The following AMOT variants were observed in gnomAD, a reference collection of about 807,000 sequenced individuals.
AMOT encodes the protein angiomotin.
Under a neutral mutation model 67.0 loss-of-function variants are expected in AMOT, and 11 were observed. The ratio of observed to expected loss-of-function variants is 0.16; its 90% CI spans 0.10 to 0.27. The LOEUF (loss-of-function observed/expected upper bound fraction) is 0.27, where lower values mean the gene tolerates loss of function less well. Among genes scored for constraint, AMOT ranks in the 10% least tolerant of loss-of-function variants. The probability of loss-of-function intolerance (pLI) is 1.00; values close to 1 mark genes in which losing one functional copy is unlikely to be tolerated. For synonymous variants in AMOT, 326 were observed against 321.4 expected, an observed-to-expected ratio of 1.01 and a Z score of -0.15; for missense variants, 753 against 852.0, an observed-to-expected ratio of 0.88 and a Z score of 1.45.
intron 2 of AMOT, among the ~76,000 whole-genome samples, chrX:112,828,548 GGTT>G (rs762704707): frequency 1.4e-4 from 15 of 108,402 alleles, no homozygotes; most frequent in Admixed American, 4.0e-4. Flanking sequence ...TATGAAGAAA[GGTT>G]GTTTTTTTGA....
rs1932981744 is a variant in AMOT at position 112,778,035 on chromosome X, A to G, written c.*532T>C. On this transcript the variant is annotated 3_prime_UTR_variant, in exon 14 of 14. Coordinates refer to ENST00000371959, the MANE Select transcript of AMOT (RefSeq NM_001113490.2). ...CTCCAGTACCCTTCTGCACCCCAAA[A>G]CTCCCTACCTTTTTTCCAGCTTACA... 9.0e-6 allele frequency: 1 copy of G among 110,608 alleles called. No individual in the cohort carries two copies. Among genetic ancestry groups the G allele is most frequent in the Non-Finnish European group, 1.9e-5 (1 of 52,805 alleles). The allele number at this position is 110,608 out of a possible 1,213,427, so 9.1% of individuals were successfully genotyped here.
intron 2 of AMOT, among the ~76,000 whole-genome samples, chrX:112,826,447 T>C (rs1489345806): frequency 8.9e-6 from 1 of 112,671 alleles, no homozygotes; most frequent in Non-Finnish European, 1.9e-5. Context: ...TGTCTTTCCA[T>C]CTTGTTTTGG....
chrX:112,839,918 G>C (rs1213956200), intron 1 of AMOT, among the ~76,000 whole-genome samples: 2 of 111,014 alleles, frequency 1.8e-5, no homozygotes, highest in African/African-American at 6.6e-5. Flanking sequence ...ACCACCACAA[G>C]CACTACCACC....
At chrX:112,781,168 G>A (rs775361236) in intron 11 of AMOT, 50 bp from the exon 12 acceptor site, 23 of 1,127,341 alleles carry the variant, frequency 2.0e-5, no homozygotes, top group South Asian at 1.7e-4. Flanking sequence ...TGGGCTGGGC[G>A]CGGTGGCTTA....
intron 8 of AMOT, 49 bp downstream of exon 8, chrX:112,804,898 T>TTGCCCCC: frequency 3.0e-5 from 25 of 837,492 alleles, no homozygotes; most frequent in Non-Finnish European, 3.6e-5. Context: ...GTCCCCGATT[T>TTGCCCCC]CCCAGCCCTC....
intron 1 of AMOT, among the ~76,000 whole-genome samples, chrX:112,838,725 T>G (rs148004820): frequency 1.8e-5 from 2 of 112,596 alleles, no homozygotes; most frequent in Admixed American, 1.9e-4. Flanking sequence ...ACAAATTTCA[T>G]GTAAAAGTGA....
intron 7 of AMOT, among the ~76,000 whole-genome samples, chrX:112,808,545 T>C (rs1464653010): frequency 8.9e-6 from 1 of 112,049 alleles, no homozygotes; most frequent in African/African-American, 3.2e-5. Context: ...GTTGATGAAC[T>C]TCACTTTTCC....
chrX:112,780,486 A>G (rs1325237372), intron 12 of AMOT: 2 of 187,246 alleles, frequency 1.1e-5, no homozygotes, highest in East Asian at 1.1e-4. Flanking sequence ...TTCTCCTATT[A>G]TAGAGGAGGA....
chrX:112,814,915 C>G (rs961144580), intron 5 of AMOT, among the ~76,000 whole-genome samples: 10 of 111,926 alleles, frequency 8.9e-5, no homozygotes, highest in Non-Finnish European at 1.9e-4. Context: ...CAAACTTTAG[C>G]TGGTGAGATT....
intron 4 of AMOT, among the ~76,000 whole-genome samples, chrX:112,820,056 A>C (rs2147819459): frequency 8.9e-6 from 1 of 112,305 alleles, no homozygotes; most frequent in African/African-American, 3.2e-5. Context: ...GTAATTTGTC[A>C]ATAGGTGCCA....
At chrX:112,836,497 G>C (rs1338078592) in intron 1 of AMOT, among the ~76,000 whole-genome samples, 3 of 111,161 alleles carry the variant, frequency 2.7e-5, no homozygotes, top group African/African-American at 9.8e-5. Context: ...GTTAAGTCTT[G>C]GGTGGGCTCT....
intron 5 of AMOT, among the ~76,000 whole-genome samples, chrX:112,815,006 G>C (rs986090301): frequency 8.9e-6 from 1 of 111,976 alleles, no homozygotes; most frequent in African/African-American, 3.2e-5. Flanking sequence ...TGAGCCTTAA[G>C]GTGCCGTCAG....
rs1040430404 is a variant in AMOT, at chrX:112,776,950, T to C, written c.*1617A>G. 8.9e-6 allele frequency: 1 copy of C among 111,752 alleles called. No individual in the cohort carries two copies. The highest frequency in any genetic ancestry group is 1.9e-5 in the Non-Finnish European group (1 of 53,131). 9.2% of individuals were successfully genotyped at this position (111,752 alleles called of 1,213,427 possible). A position where few individuals can be genotyped will look rare whatever the true frequency, so the allele number is the denominator to read the frequency against. ...ATTGGCATAATGGTTAGCTGTGTTG[T>C]ATGACTTTCAAAAAGTCACTGAACC... is the stretch of plus-strand genomic sequence containing the variant. On this transcript the variant is annotated 3_prime_UTR_variant, in exon 14 of 14. Coordinates refer to ENST00000371959, the MANE Select transcript of AMOT (RefSeq NM_001113490.2).
chrX:112,793,085 C>T (rs1411044136), intron 8 of AMOT, among the ~76,000 whole-genome samples: 1 of 109,374 alleles, frequency 9.1e-6, no homozygotes, highest in Non-Finnish European at 1.9e-5. Context: ...TCTCGTAATA[C>T]TTGTGGGGCC....
At chrX:112,783,937 G>A (rs1933283519) in intron 10 of AMOT, among the ~76,000 whole-genome samples, 2 of 110,997 alleles carry the variant, frequency 1.8e-5, no homozygotes, top group Non-Finnish European at 3.8e-5. Context: ...TAGTGCAGAT[G>A]GGGATGAAGC....
chrX:112,811,195 C>T (rs1457904329), intron 6 of AMOT, 54 bp downstream of exon 6: 2 of 1,194,688 alleles, frequency 1.7e-6, no homozygotes, highest in Non-Finnish European at 2.3e-6. Context: ...CCCTTCCCTT[C>T]ACCACCCTGC....
rs1394428483 is a variant in AMOT at position 112,779,028 on chromosome X, T to C, written c.3126A>G (p.Ile1042Met). ...TGTCTGGATTGCAGGTCAAACTTGG[T>C]ATAGACAAACGATGTGGTCCAGGAC... Reference protein sequence around the residue: ...ATGPGPHRLSIPSLTCNPDKT... With the variant: ...ATGPGPHRLSMPSLTCNPDKT... Residue 1042 changes from isoleucine to methionine, a missense_variant, in exon 13 of 14, where the codon ATA (isoleucine) becomes ATG (methionine). Coordinates refer to ENST00000371959, the MANE Select transcript of AMOT (RefSeq NM_001113490.2). The C allele has an allele frequency of 1.7e-6, 2 of 1,211,257 alleles. No individual in the cohort carries two copies. The highest frequency in any genetic ancestry group is 3.5e-5 in the South Asian group (2 of 56,962).
intron 8 of AMOT, among the ~76,000 whole-genome samples, chrX:112,796,916 C>G (rs753248684): frequency 5.4e-5 from 6 of 111,661 alleles, no homozygotes; most frequent in Non-Finnish European, 9.4e-5. Flanking sequence ...ATACACAGGA[C>G]AGCATCCTAC....
At chrX:112,815,209 T>C in intron 5 of AMOT, 149 bp downstream of exon 5, 1 of 766,860 alleles carries the variant, frequency 1.3e-6, no homozygotes, top group Non-Finnish European at 1.9e-6. Context: ...TTCCAAAGTT[T>C]GACTCATATC....
Sources: allele counts gnomAD v4.1 joint callset (sites outside exome capture counted in the v4.1 genomes callset), GRCh38; gene constraint gnomAD v4.1.1; transcripts MANE v1.5; gene names NCBI Gene and HGNC (gene_info 2026-07-23, HGNC 2026-07-21).